ANO4: variants seen among roughly 807,000 people sequenced by gnomAD.
The protein encoded by ANO4 is anoctamin 4, also known as anoctamin-4.
A neutral mutation model predicts 141.9 loss-of-function variants in ANO4; 69 were observed. The ratio of observed to expected loss-of-function variants is 0.49; its 90% CI spans 0.40 to 0.59. The LOEUF is 0.59. Ranked by LOEUF, ANO4 falls within the 20% of genes least tolerant of loss-of-function variation. The probability of loss-of-function intolerance (pLI) is 0.00; values close to 1 mark genes in which losing one functional copy is unlikely to be tolerated. For synonymous variants in ANO4, 350 were observed against 394.3 expected, an observed-to-expected ratio of 0.89 and a Z score of 1.33; for missense variants, 894 against 1,162.2, an observed-to-expected ratio of 0.77 and a Z score of 3.36.
At chr12:100,842,064 C>T (rs2373384) in intron 1 of ANO4, 1 of 58,500 alleles carries the variant, frequency 1.7e-5, no homozygotes, top group Non-Finnish European at 3.6e-5. Flanking sequence ...AATATCCACC[C>T]CCCCCCCCCC....
chr12:101,013,837 C>T lies in ANO4; in HGVS notation c.735-6197C>T, dbSNP rs1195819641. On this transcript the variant is annotated intron_variant, in intron 8 of 27. Transcript: ENST00000392977. ...GTCTAGATTAATCTAATGTTCCCTTCAGTTATATTAATTTGTGAAGAAAGT... is the reference window on the plus strand; with the variant it reads ...GTCTAGATTAATCTAATGTTCCCTTTAGTTATATTAATTTGTGAAGAAAGT... 3.3e-5 allele frequency among the ~76,000 whole-genome samples: 5 copies of T among 152,058 alleles called. No individual in the cohort carries two copies. The East Asian group carries it at 9.6e-4, about 29-fold the overall frequency.
At chr12:100,918,818 G>T (rs2041471083) in intron 2 of ANO4, among the ~76,000 whole-genome samples, 1 of 151,782 alleles carries the variant, frequency 6.6e-6, no homozygotes, top group Non-Finnish European at 1.5e-5. Flanking sequence ...AAAAAAAAAA[G>T]TTAACTTTAA....
chr12:100,919,702 G>A (rs7296165), intron 2 of ANO4, among the ~76,000 whole-genome samples: 6,400 of 133,232 alleles, frequency 0.048, 170 homozygotes, highest in African/African-American at 0.06. Flanking sequence ...GTGTGTGTGT[G>A]TGTATGTATG....
chr12:101,103,183 T>TTATATATA (rs71091476), intron 22 of ANO4, among the ~76,000 whole-genome samples: 14 of 18,586 alleles, frequency 7.5e-4, no homozygotes, highest in South Asian at 3.2e-3. Flanking sequence ...TTTAGTCATT[T>TTATATATA]TATATATATA....
rs1308917597 is a variant in ANO4 at position 100,962,825 on chromosome 12, A to G, written c.457-8481A>G. On this transcript the variant is annotated intron_variant, in intron 5 of 27. Coordinates refer to ENST00000392977, the MANE Select transcript of ANO4 (RefSeq NM_001286615.2). ...TGCATTCGGCCCAATCCACGCTGCA[A>G]TGGAAGGAGCCCAGCCATGAGGCTG... Among the ~76,000 whole-genome samples, 4 of 152,170 alleles carry G rather than the reference A, an allele frequency of 2.6e-5. No homozygotes were observed. The East Asian group carries it at 7.7e-4, about 29-fold the overall frequency.
At chr12:100,998,906 C>T (rs1247923052) in intron 8 of ANO4, among the ~76,000 whole-genome samples, 2 of 152,152 alleles carry the variant, frequency 1.3e-5, no homozygotes, top group Non-Finnish European at 2.9e-5. Context: ...CCAAGTACTT[C>T]ACGGTTATAA....
At chr12:100,933,532 G>A (rs2042166309) in intron 3 of ANO4, among the ~76,000 whole-genome samples, 1 of 152,156 alleles carries the variant, frequency 6.6e-6, no homozygotes, top group Admixed American at 6.5e-5. Context: ...ATGGACATTT[G>A]GGTTGGTTCC....
chr12:100,837,721 A>T lies in ANO4; in HGVS notation c.-141+42694A>T, dbSNP rs1021835847. ...GGTGGCTGAGGGAGACCTTGTCTCT[A>T]AAAAAAAAAAAAAAAAAAGCTCGCT... On this transcript the variant is annotated intron_variant, in intron 1 of 27. Coordinates refer to ENST00000392977, the MANE Select transcript of ANO4 (RefSeq NM_001286615.2). Among the ~76,000 whole-genome samples the T allele has an allele frequency of 1.1e-3, 6 of 5,426 alleles. 1 individual carries two copies. The highest frequency in any genetic ancestry group is 7.7e-3 in the African/African-American group (6 of 784). 3.6% of individuals were successfully genotyped at this position (5,426 alleles called of 152,430 possible).
intron 17 of ANO4, among the ~76,000 whole-genome samples, chr12:101,088,112 G>A (rs538614684): frequency 5.6e-4 from 85 of 151,986 alleles, no homozygotes; most frequent in Non-Finnish European, 1.1e-3. Context: ...ACGGGCTTTC[G>A]CTCATCTGGT....
intron 7 of ANO4, among the ~76,000 whole-genome samples, chr12:100,979,406 T>C (rs1158924112): frequency 1.3e-5 from 2 of 152,036 alleles, no homozygotes; most frequent in Non-Finnish European, 2.9e-5. Flanking sequence ...TCCATCAAGA[T>C]CCCAAGTGAT....
intron 16 of ANO4, 134 bp downstream of exon 16, chr12:101,083,952 G>A (rs77712009): frequency 6.7e-5 from 57 of 847,614 alleles, no homozygotes; most frequent in Non-Finnish European, 8.9e-5. Flanking sequence ...CAGTAACTTC[G>A]TCTGGTGGTC....
chr12:100,781,567 T>C (rs755399221), intron 3 of ANO4, among the ~76,000 whole-genome samples: 2 of 152,350 alleles, frequency 1.3e-5, no homozygotes, highest in East Asian at 3.9e-4. Flanking sequence ...CCCTACTAGA[T>C]TGGATTTAAT....
At chr12:100,975,170 T>C (rs1238707675) in intron 7 of ANO4, among the ~76,000 whole-genome samples, 1 of 152,108 alleles carries the variant, frequency 6.6e-6, no homozygotes. Flanking sequence ...TCTTTTTTTT[T>C]TTTTTAATTT....
At chr12:100,778,372 T>C (rs1236494284) in intron 3 of ANO4, among the ~76,000 whole-genome samples, 2 of 152,162 alleles carry the variant, frequency 1.3e-5, no homozygotes, top group Non-Finnish European at 2.9e-5. Flanking sequence ...TGTGAGGTAG[T>C]AAGGTAGACA....
chr12:100,890,859 A>G (rs1031651466), intron 1 of ANO4, among the ~76,000 whole-genome samples: 5 of 152,118 alleles, frequency 3.3e-5, no homozygotes, highest in African/African-American at 9.7e-5. Flanking sequence ...GTGGGTTTTG[A>G]CAAATTTATT....
intron 1 of ANO4, among the ~76,000 whole-genome samples, chr12:100,896,878 C>T (rs1206468335): frequency 6.6e-6 from 1 of 152,074 alleles, no homozygotes; most frequent in Non-Finnish European, 1.5e-5. Context: ...TACTGAGCAC[C>T]CATTATGCTG....
At position 100,718,437 on chromosome 12, in the gene ANO4, A is replaced by G. The variant is rs1244702275; in HGVS notation, c.22+890A>G. Among the ~76,000 whole-genome samples, 3 of 152,194 alleles carry G rather than the reference A, an allele frequency of 2.0e-5. No homozygotes were observed. The East Asian group carries it at 5.8e-4, about 29-fold the overall frequency. ...CTAGATTTGGCATTTTAAAGGGGAAAGCTGTGAGCAATTGATGGGGAATGT... is the reference window on the plus strand; with the variant it reads ...CTAGATTTGGCATTTTAAAGGGGAAGGCTGTGAGCAATTGATGGGGAATGT... On this transcript the variant is annotated intron_variant, in intron 1 of 29. Coordinates refer to the ANO4 transcript ENST00000644049.
At chr12:100,797,672 T>A (rs1000359457) in intron 1 of ANO4, among the ~76,000 whole-genome samples, 5 of 152,146 alleles carry the variant, frequency 3.3e-5, no homozygotes, top group Non-Finnish European at 7.4e-5. Flanking sequence ...ACTCTTTAAT[T>A]ACAACTATCA....
At position 101,040,038 on chromosome 12, in the gene ANO4, G is replaced by C; in HGVS notation, c.981G>C (p.Trp327Cys). 1 of 1,613,282 alleles carries C rather than the reference G, an allele frequency of 6.2e-7. No homozygotes were observed. The highest frequency in any genetic ancestry group is 2.2e-5 in the East Asian group (1 of 44,878). The change falls in exon 11 of 28, where the codon TGG (tryptophan) becomes TGC (cysteine). Residue 327 changes from tryptophan to cysteine, a missense_variant. Trp to Cys is a radical substitution (Grantham distance 215). Coordinates refer to ENST00000392977, the MANE Select transcript of ANO4 (RefSeq NM_001286615.2). ...RHLLYECWAS[W>C]GVWYKYQPLD... ...TACTCTATGAGTGCTGGGCCTCCTGGGGCGTGTGGTATAAATACCAACCTT... is the reference window on the plus strand; with the variant it reads ...TACTCTATGAGTGCTGGGCCTCCTGCGGCGTGTGGTATAAATACCAACCTT...
Sources: gnomAD v4.1 joint callset for allele counts (sites outside exome capture counted in the v4.1 genomes callset) on GRCh38, gnomAD v4.1.1 for gene constraint, MANE v1.5 for transcripts, NCBI Gene and HGNC (gene_info 2026-07-23, HGNC 2026-07-21) for gene names.